The following FEZ2 variants were observed in gnomAD, a reference collection of about 807,000 sequenced individuals.
FEZ2 encodes fasciculation and elongation protein zeta-2.
In FEZ2, 51 loss-of-function variants were observed where a neutral mutation model predicts 40.4. The ratio of observed to expected loss-of-function variants is 1.26; its 90% confidence interval spans 1.01 to 1.59. The LOEUF is 1.59. Ranked by LOEUF, FEZ2 falls within the 40% of genes most tolerant of loss-of-function variation. FEZ2 has a pLI of 0.00. For synonymous variants in FEZ2, 242 were observed against 172.0 expected, an observed-to-expected ratio of 1.41 and a Z score of -3.18; for missense variants, 640 against 438.3, an observed-to-expected ratio of 1.46 and a Z score of -4.11.
rs1668006415 is a variant in FEZ2 at position 36,558,381 on chromosome 2, G to C, written c.979+57C>G. On this transcript the variant is annotated intron_variant, in intron 6 of 7. Coordinates refer to ENST00000405912, the MANE Select transcript of FEZ2 (RefSeq NM_005102.3). Reference sequence around the variant, plus strand: ...AACAAAATCAGCCAACTAAAGTCAGGTGTTTACCAATCAGCAAAAGGAAAT... The same window carrying C: ...AACAAAATCAGCCAACTAAAGTCAGCTGTTTACCAATCAGCAAAAGGAAAT... 14 of 1,059,490 alleles carry C rather than the reference G, an allele frequency of 1.3e-5. No individual in the cohort carries two copies. In the East Asian group the frequency reaches 3.5e-4, roughly 26 times the overall value. 65.6% of individuals were successfully genotyped at this position (1,059,490 alleles called of 1,614,324 possible).
At chr2:36,585,955 A>C (rs1270263475) in intron 2 of FEZ2, among the ~76,000 whole-genome samples, 1 of 152,266 alleles carries the variant, frequency 6.6e-6, no homozygotes, top group Non-Finnish European at 1.5e-5. Context: ...ATATCATTTA[A>C]AGTGGCCACC....
At chr2:36,575,923 C>T (rs1313630448) in intron 5 of FEZ2, among the ~76,000 whole-genome samples, 7 of 151,262 alleles carry the variant, frequency 4.6e-5, no homozygotes, top group African/African-American at 1.2e-4. Flanking sequence ...CTATACTTAA[C>T]GAAAAACTTC....
intron 1 of FEZ2, among the ~76,000 whole-genome samples, chr2:36,593,646 C>T (rs921562834): frequency 6.6e-6 from 1 of 152,050 alleles, no homozygotes; most frequent in African/African-American, 2.4e-5. Context: ...AGGCCGCATA[C>T]AGCAGGCAGA....
At chr2:36,565,081 G>A (rs1000705232) in intron 5 of FEZ2, among the ~76,000 whole-genome samples, 2 of 152,146 alleles carry the variant, frequency 1.3e-5, no homozygotes, top group African/African-American at 2.4e-5. Context: ...GTTTGCCCTC[G>A]TCAACAATCA....
chr2:36,567,653 T>C (rs2125226110), intron 5 of FEZ2, among the ~76,000 whole-genome samples: 1 of 151,690 alleles, frequency 6.6e-6, no homozygotes, highest in Non-Finnish European at 1.5e-5. Context: ...TCCCAGCTAC[T>C]CGAGAGGCTC....
intron 6 of FEZ2, chr2:36,557,286 G>A (rs1667982665): frequency 6.6e-6 from 1 of 152,118 alleles, no homozygotes; most frequent in African/African-American, 2.4e-5. Flanking sequence ...CTGAAAATAA[G>A]AGGGCTAGCT....
rs182594318 is a variant in FEZ2 at position 36,566,403 on chromosome 2, G to C, written c.904-7890C>G. On this transcript the variant is annotated intron_variant, in intron 5 of 7. Coordinates refer to ENST00000405912, the MANE Select transcript of FEZ2 (RefSeq NM_005102.3). Reference sequence around the variant, plus strand: ...AGGTAGAGTGCACAAGATCTAAAGAGAAACAATAAAGAAAGAAAAATGAAA... The same window carrying C: ...AGGTAGAGTGCACAAGATCTAAAGACAAACAATAAAGAAAGAAAAATGAAA... Among the ~76,000 whole-genome samples, 368 of 150,442 alleles carry C rather than the reference G, an allele frequency of 2.4e-3. 1 individual carries two copies. Among genetic ancestry groups the C allele is most frequent in the African/African-American group, 8.4e-3 (342 of 40,942 alleles).
rs1252928402 is a variant in FEZ2 at position 36,590,946 on chromosome 2, G to C, written c.332C>G (p.Thr111Ser). ...VMPVDWKSSH[T>S]RTLHLLTLNL... Reference sequence around the variant, plus strand: ...CAGAGTAAGCAAGTGCAAGGTCCTAGTATGCGATGACTTCCAGTCTACAGG... The same window carrying C: ...CAGAGTAAGCAAGTGCAAGGTCCTACTATGCGATGACTTCCAGTCTACAGG... Residue 111 changes from threonine to serine, a missense_variant, in exon 2 of 8, where the codon ACT becomes AGT. Thr to Ser is a moderately conservative substitution (Grantham distance 58, BLOSUM62 1). Coordinates refer to ENST00000405912, the MANE Select transcript of FEZ2 (RefSeq NM_005102.3). 1.9e-6 allele frequency: 3 copies of C among 1,612,714 alleles called. No individual in the cohort carries two copies. In the African/African-American group the frequency reaches 4.0e-5, roughly 22 times the overall value.
Position 36,581,369 on chromosome 2 carries a change from A to AGGGG in FEZ2, c.551_554dup (p.Thr186ProfsTer21), listed in dbSNP as rs770632912. 3 of 1,613,186 alleles carry AGGGG rather than the reference A, an allele frequency of 1.9e-6. No homozygotes were observed. The highest frequency in any genetic ancestry group is 2.5e-6 in the Non-Finnish European group (3 of 1,179,276). ...GCATTGAAAGCCGATCTGACTGTGT[A>AGGGG]GGGGTTTCATCATCTTCTGGGTCCG... On this transcript the variant is annotated frameshift_variant, in exon 4 of 8. Coordinates refer to ENST00000405912, the MANE Select transcript of FEZ2 (RefSeq NM_005102.3). LOFTEE classifies it high-confidence loss of function.
intron 5 of FEZ2, among the ~76,000 whole-genome samples, chr2:36,564,769 C>T (rs1215474700): frequency 2.0e-5 from 3 of 152,054 alleles, no homozygotes; most frequent in Non-Finnish European, 2.9e-5. Flanking sequence ...CGGGCCAACT[C>T]GGGAGTTCAC....
rs370204754 is a variant in FEZ2 at position 36,553,144 on chromosome 2, C to G, written c.*19G>C. ...GTCGGAAATCTAGCTTGGAGCCCAC[C>G]GCAGATAAAGTTGCTGCTCTATGTA... is the stretch of plus-strand genomic sequence containing the variant. On this transcript the variant is annotated 3_prime_UTR_variant, in exon 8 of 8. Coordinates refer to ENST00000405912, the MANE Select transcript of FEZ2 (RefSeq NM_005102.3). 1 of 1,563,620 alleles carries G rather than the reference C, an allele frequency of 6.4e-7. No homozygotes were observed. Among genetic ancestry groups the G allele is most frequent in the South Asian group, 1.2e-5 (1 of 84,818 alleles).
At chr2:36,583,730 A>T (rs1454480480) in intron 2 of FEZ2, among the ~76,000 whole-genome samples, 1 of 152,236 alleles carries the variant, frequency 6.6e-6, no homozygotes, top group Non-Finnish European at 1.5e-5. Flanking sequence ...AGAAAAAAAT[A>T]CGGTATTCAT....
At chr2:36,557,560 T>A (rs1380252454) in intron 6 of FEZ2, 1 of 152,162 alleles carries the variant, frequency 6.6e-6, no homozygotes, top group East Asian at 1.9e-4. Flanking sequence ...AATTAGCAAG[T>A]ATCATAAATA....
chr2:36,559,213 C>T (rs967082036), intron 5 of FEZ2: 1 of 152,200 alleles, frequency 6.6e-6, no homozygotes, highest in Admixed American at 6.5e-5. Flanking sequence ...TCCTAGTTCA[C>T]TACTTGTAAA....
At chr2:36,556,878 G>A (rs918422798) in intron 6 of FEZ2, 3 of 152,120 alleles carry the variant, frequency 2.0e-5, no homozygotes, top group Non-Finnish European at 2.9e-5. Context: ...CATAAACACT[G>A]TGACTGTCTC....
intron 5 of FEZ2, among the ~76,000 whole-genome samples, chr2:36,573,947 T>C (rs777175429): frequency 2.6e-5 from 4 of 152,250 alleles, no homozygotes; most frequent in Non-Finnish European, 4.4e-5. Flanking sequence ...TAAAGCCATT[T>C]AAAACTCTAT....
At chr2:36,592,699 A>C (rs548949884) in intron 1 of FEZ2, among the ~76,000 whole-genome samples, 1 of 151,504 alleles carries the variant, frequency 6.6e-6, no homozygotes, top group African/African-American at 2.4e-5. Flanking sequence ...CCGCAGTCCC[A>C]GCTACTTTTG....
At chr2:36,592,762 C>T (rs571379668) in intron 1 of FEZ2, among the ~76,000 whole-genome samples, 2 of 152,200 alleles carry the variant, frequency 1.3e-5, no homozygotes, top group African/African-American at 2.4e-5. Flanking sequence ...CTGTAGTGAG[C>T]TATGATGGCA....
At chr2:36,561,762 T>C (rs1462882171) in intron 5 of FEZ2, among the ~76,000 whole-genome samples, 1 of 152,218 alleles carries the variant, frequency 6.6e-6, no homozygotes, top group African/African-American at 2.4e-5. Context: ...CACTTGATGG[T>C]TCCTTCCCCT....
Sources: gnomAD v4.1 joint callset for allele counts (sites outside exome capture counted in the v4.1 genomes callset) on GRCh38, gnomAD v4.1.1 for gene constraint, MANE v1.5 for transcripts, NCBI Gene and HGNC (gene_info 2026-07-23, HGNC 2026-07-21) for gene names.